The following ADGRB3 variants were observed in gnomAD, a reference collection of about 807,000 sequenced individuals.
The protein encoded by ADGRB3 is adhesion G protein-coupled receptor B3, also known as brain-specific angiogenesis inhibitor 3.
Under a neutral mutation model 193.4 loss-of-function variants are expected in ADGRB3, and 37 were observed. That is an observed-to-expected ratio of 0.19 (90% CI 0.15 to 0.25). The LOEUF (loss-of-function observed/expected upper bound fraction) is 0.25, where lower values mean the gene tolerates loss of function less well. Among genes scored for constraint, ADGRB3 ranks in the 10% least tolerant of loss-of-function variants. ADGRB3 has a pLI of 1.00. For synonymous variants in ADGRB3, 690 were observed against 644.2 expected, an observed-to-expected ratio of 1.07 and a Z score of -1.08; for missense variants, 1,637 against 1,852.9, an observed-to-expected ratio of 0.88 and a Z score of 2.14.
At chr6:68,645,764 C>A (rs2127277943) in intron 3 of ADGRB3, among the ~76,000 whole-genome samples, 1 of 152,198 alleles carries the variant, frequency 6.6e-6, no homozygotes, top group African/African-American at 2.4e-5. Flanking sequence ...CCTCCGCTTC[C>A]AGAGTTCAAG....
chr6:68,945,138 T>C (rs1004958484), intron 6 of ADGRB3, among the ~76,000 whole-genome samples: 23 of 151,664 alleles, frequency 1.5e-4, no homozygotes, highest in Non-Finnish European at 4.4e-5. Context: ...TATGCAAAAG[T>C]CATCTAACAA....
At chr6:69,378,404 A>G (rs534070297) in intron 30 of ADGRB3, among the ~76,000 whole-genome samples, 1 of 152,166 alleles carries the variant, frequency 6.6e-6, no homozygotes, top group East Asian at 1.9e-4. Context: ...TGGAATTCAG[A>G]AAGAATTCCA....
chr6:68,712,993 A>G (rs1313051085), intron 3 of ADGRB3, among the ~76,000 whole-genome samples: 1 of 151,920 alleles, frequency 6.6e-6, no homozygotes, highest in African/African-American at 2.4e-5. Flanking sequence ...TTGACATTCA[A>G]ATATTGACAG....
chr6:68,936,407 C>A, intron 4 of ADGRB3, 112 bp from the exon 5 acceptor site: 1 of 1,106,132 alleles, frequency 9.0e-7, no homozygotes, highest in Non-Finnish European at 1.3e-6. Context: ...GATGTATGGT[C>A]ATATTTTTAC....
intron 20 of ADGRB3, among the ~76,000 whole-genome samples, chr6:69,255,411 G>A (rs1233495084): frequency 1.3e-5 from 2 of 152,192 alleles, no homozygotes; most frequent in Admixed American, 1.3e-4. Flanking sequence ...TAACTGGTGT[G>A]AGATGGTATC....
At chr6:69,056,060 G>A (rs1185988100) in intron 15 of ADGRB3, among the ~76,000 whole-genome samples, 2 of 151,914 alleles carry the variant, frequency 1.3e-5, no homozygotes, top group African/African-American at 4.8e-5. Context: ...CAAACTCCTG[G>A]CCTCATGAGA....
chr6:69,338,855 A>T, intron 24 of ADGRB3, 61 bp from the exon 25 acceptor site: 1 of 1,384,472 alleles, frequency 7.2e-7, no homozygotes, highest in African/African-American at 1.5e-5. Context: ...TGAAGCAGCA[A>T]TTTTTTTTTG....
chr6:68,691,673 T>C (rs1231849335), intron 3 of ADGRB3, among the ~76,000 whole-genome samples: 3 of 151,934 alleles, frequency 2.0e-5, no homozygotes, highest in Non-Finnish European at 2.9e-5. Flanking sequence ...ATTCTTAAAA[T>C]AAATTTTTTC....
intron 4 of ADGRB3, among the ~76,000 whole-genome samples, chr6:68,935,871 T>C (rs1376188147): frequency 6.6e-6 from 1 of 152,192 alleles, no homozygotes; most frequent in Non-Finnish European, 1.5e-5. Flanking sequence ...CAAGAAATTT[T>C]TCTTTATTTT....
chr6:68,935,419 T>G (rs1767460997), intron 4 of ADGRB3, among the ~76,000 whole-genome samples: 1 of 152,224 alleles, frequency 6.6e-6, no homozygotes, highest in African/African-American at 2.4e-5. Context: ...CATGATCATA[T>G]TCTATCCTTT....
chr6:69,015,896 G>A (rs936586352), intron 12 of ADGRB3, among the ~76,000 whole-genome samples: 1 of 151,678 alleles, frequency 6.6e-6, no homozygotes, highest in African/African-American at 2.4e-5. Flanking sequence ...TACCCATATG[G>A]CTGGAGTTAA....
rs1156395679 is a variant in ADGRB3 at position 69,372,433 on chromosome 6, G to T, written c.4267G>T (p.Asp1423Tyr). Residue 1423 changes from aspartate (D) to tyrosine (Y), a missense_variant, in exon 30 of 32, where the codon GAC becomes TAC. Coordinates refer to ENST00000370598, the MANE Select transcript of ADGRB3 (RefSeq NM_001704.3). The part of the protein sequence containing the change: ...ERRKSRYSDL[D>Y]FEKVMHTRKR... ...AAGAAAATCACGATATTCAGACCTTGACTTTGAGGTAAGTTTATATGAATT... is the reference window on the plus strand; with the variant it reads ...AAGAAAATCACGATATTCAGACCTTTACTTTGAGGTAAGTTTATATGAATT... 1 of 1,360,978 alleles carries T rather than the reference G, an allele frequency of 7.3e-7. No homozygotes were observed. The highest frequency in any genetic ancestry group is 1.0e-6 in the Non-Finnish European group (1 of 994,484). The allele number at this position is 1,360,978 out of a possible 1,614,324, so 84.3% of individuals were successfully genotyped here.
chr6:68,951,743 C>T (rs973808824), intron 6 of ADGRB3, among the ~76,000 whole-genome samples: 3 of 152,056 alleles, frequency 2.0e-5, no homozygotes, highest in Admixed American at 6.6e-5. Context: ...TTTTTAAATT[C>T]GTAGGTTTGC....
intron 3 of ADGRB3, among the ~76,000 whole-genome samples, chr6:68,681,710 A>G (rs1459242039): frequency 7.0e-6 from 1 of 143,554 alleles, no homozygotes; most frequent in African/African-American, 2.6e-5. Flanking sequence ...AAATCATAAC[A>G]ACATCAAAAA....
chr6:68,894,036 C>G (rs1766153109), intron 3 of ADGRB3, among the ~76,000 whole-genome samples: 1 of 151,756 alleles, frequency 6.6e-6, no homozygotes, highest in Admixed American at 6.6e-5. Context: ...TAATCTTTAA[C>G]TATAAAAAGT....
intron 15 of ADGRB3, among the ~76,000 whole-genome samples, chr6:69,049,772 A>G (rs1196325856): frequency 6.6e-6 from 1 of 152,148 alleles, no homozygotes; most frequent in African/African-American, 2.4e-5. Context: ...TTATTTGCAC[A>G]AGATCTTAGT....
chr6:69,097,580 C>T (rs538054359), intron 17 of ADGRB3, among the ~76,000 whole-genome samples: 98 of 152,260 alleles, frequency 6.4e-4, no homozygotes, highest in South Asian at 6.0e-3. Context: ...ATCTCTAACA[C>T]TAACATAACC....
chr6:69,261,305 C>A (rs1246246332), intron 20 of ADGRB3, among the ~76,000 whole-genome samples: 1 of 151,980 alleles, frequency 6.6e-6, no homozygotes, highest in African/African-American at 2.4e-5. Context: ...GTTCAGCTTG[C>A]AAGAGATTTG....
chr6:68,998,362 A>G (rs1769458358), intron 11 of ADGRB3, among the ~76,000 whole-genome samples: 1 of 152,256 alleles, frequency 6.6e-6, no homozygotes, highest in Non-Finnish European at 1.5e-5. Context: ...AAAAAAGTGT[A>G]TAGCTTTTCC....
Sources: gnomAD v4.1 joint callset for allele counts (sites outside exome capture counted in the v4.1 genomes callset) on GRCh38, gnomAD v4.1.1 for gene constraint, MANE v1.5 for transcripts, NCBI Gene and HGNC (gene_info 2026-07-23, HGNC 2026-07-21) for gene names.